The following CLIP2 variants were observed in gnomAD, a reference collection of about 807,000 sequenced individuals.
CLIP2 encodes CAP-Gly domain-containing linker protein 2.
CLIP2 carries 41 observed loss-of-function variants against 111.7 expected under a neutral mutation model. The ratio of observed to expected loss-of-function variants is 0.37; its 90% CI spans 0.29 to 0.48. The LOEUF is 0.48. CLIP2 is among the 20% of genes least tolerant of loss of function. CLIP2 has a pLI of 0.99. For missense variants in CLIP2, 1,160 were observed against 1,422.1 expected (o/e 0.82, Z 2.96); for synonymous variants, 660 against 644.2 (o/e 1.02, Z -0.37).
At chr7:74,311,228 G>A (rs1444122965) in intron 1 of CLIP2, among the ~76,000 whole-genome samples, 9 of 152,046 alleles carry the variant, frequency 5.9e-5, no homozygotes, top group African/African-American at 2.2e-4. Flanking sequence ...ATCTGCCCGC[G>A]TCAGCCTCCC....
At position 74,338,830 on chromosome 7, in the gene CLIP2, C is replaced by G; in HGVS notation, c.504C>G (p.Asn168Lys). ...CCGTGGAGTCGCTGACTGCCCAGAA[C>G]CTGTCATTGCATTCGGGCACGGCCA... ...AHSVESLTAQNLSLHSGTATP... is the reference protein window; with the variant it reads ...AHSVESLTAQKLSLHSGTATP... The change falls in exon 3 of 17, where the codon AAC (asparagine) becomes AAG (lysine). Residue 168 changes from asparagine (N) to lysine (K), a missense_variant. Coordinates refer to ENST00000223398, the MANE Select transcript of CLIP2 (RefSeq NM_003388.5). This position sits in a 1 kb window ranked among gnomAD's most constrained non-coding sequence, Gnocchi z 4.3. 6.2e-7 allele frequency: 1 copy of G among 1,611,166 alleles called. No homozygotes were observed. Among genetic ancestry groups the G allele is most frequent in the Middle Eastern group, 1.6e-4 (1 of 6,062 alleles).
At chr7:74,403,056 CAA>C (rs1257300525) in intron 16 of CLIP2, among the ~76,000 whole-genome samples, 1 of 136,264 alleles carries the variant, frequency 7.3e-6, no homozygotes, top group Non-Finnish European at 1.6e-5. Context: ...ACTAAAAATA[CAA>C]AAAAAAAAAA....
intron 1 of CLIP2, among the ~76,000 whole-genome samples, chr7:74,317,026 ACTGTACCCAGT>A (rs2116500472): frequency 6.6e-6 from 1 of 152,308 alleles, no homozygotes; most frequent in African/African-American, 2.4e-5. Context: ...ATGACAGGCC[ACTGTACCCAGT>A]CTAAAAGTGG....
chr7:74,358,819 C>T (rs1173543941), intron 6 of CLIP2, among the ~76,000 whole-genome samples: 1 of 152,064 alleles, frequency 6.6e-6, no homozygotes, highest in African/African-American at 2.4e-5. Flanking sequence ...GACCCTCCCA[C>T]CTTGGTCTCT....
chr7:74,336,021 C>T (rs557804998), intron 2 of CLIP2, among the ~76,000 whole-genome samples: 20 of 147,618 alleles, frequency 1.4e-4, no homozygotes, highest in African/African-American at 4.5e-4. Context: ...GGATTACAGG[C>T]GTAAGCCACT....
At chr7:74,353,819 C>T (rs1261754914) in intron 3 of CLIP2, 61 bp from the exon 4 acceptor site, 2 of 1,612,684 alleles carry the variant, frequency 1.2e-6, no homozygotes, top group Non-Finnish European at 8.5e-7. Context: ...GCTGGGTGCC[C>T]CTGCCATCTC....
chr7:74,378,567 C>T (rs1183111268), intron 10 of CLIP2, among the ~76,000 whole-genome samples: 1 of 152,042 alleles, frequency 6.6e-6, no homozygotes, highest in Non-Finnish European at 1.5e-5. Flanking sequence ...TAGTTAGACC[C>T]CATCTCTACA....
chr7:74,360,892 C>G (rs782742478), intron 7 of CLIP2, among the ~76,000 whole-genome samples: 7 of 152,098 alleles, frequency 4.6e-5, no homozygotes, highest in Non-Finnish European at 7.4e-5. Flanking sequence ...CCTGCACTCT[C>G]CAGCAGAATA....
At chr7:74,320,811 G>A (rs1032743819) in intron 2 of CLIP2, among the ~76,000 whole-genome samples, 4 of 151,960 alleles carry the variant, frequency 2.6e-5, no homozygotes, top group African/African-American at 9.7e-5. Context: ...GGAGGAGGAA[G>A]GATCTGCAGA....
chr7:74,316,041 G>A (rs1186537812), intron 1 of CLIP2, among the ~76,000 whole-genome samples: 8 of 43,860 alleles, frequency 1.8e-4, no homozygotes, highest in Admixed American at 5.3e-4. Context: ...CCCTCCCCCC[G>A]CCCCCACAAC....
intron 3 of CLIP2, among the ~76,000 whole-genome samples, chr7:74,343,811 G>A (rs1789729402): frequency 6.6e-6 from 1 of 152,076 alleles, no homozygotes; most frequent in South Asian, 2.1e-4. Context: ...ACTGAGGTGG[G>A]AGGATCACTT....
Position 74,376,876 on chromosome 7 carries a change from GC to G in CLIP2, c.2421+56del. 2 of 1,440,652 alleles carry G rather than the reference GC, an allele frequency of 1.4e-6. No homozygotes were observed. The highest frequency in any genetic ancestry group is 2.3e-4 in the Middle Eastern group (1 of 4,438). The allele number at this position is 1,440,652 out of a possible 1,614,324, so 89.2% of individuals were successfully genotyped here. A position where few individuals can be genotyped will look rare whatever the true frequency, so the allele number is the denominator to read the frequency against. ...GGAGGGTCGGGCTGGGGAGGGCTTGGCCTTTTGCTGACCTCTGTTCTGCAGC... is the reference window on the plus strand; with the variant it reads ...GGAGGGTCGGGCTGGGGAGGGCTTGGCTTTTGCTGACCTCTGTTCTGCAGC... On this transcript the variant is annotated intron_variant, in intron 10 of 16. Coordinates refer to ENST00000223398, the MANE Select transcript of CLIP2 (RefSeq NM_003388.5). This position sits in a 1 kb window ranked among gnomAD's most constrained non-coding sequence, Gnocchi z 7.1.
At position 74,376,369 on chromosome 7, in the gene CLIP2, C is replaced by G. The variant is rs1387444442; in HGVS notation, c.1968C>G (p.Ile656Met). 3 of 1,613,884 alleles carry G rather than the reference C, an allele frequency of 1.9e-6. No individual in the cohort carries two copies. Among genetic ancestry groups the G allele is most frequent in the Non-Finnish European group, 1.7e-6 (2 of 1,180,022 alleles). ...IGELKAVMEG[I>M]KMEHQLELGN... is the part of the protein sequence containing the mutation. Reference sequence around the variant, plus strand: ...AGCTGAAGGCAGTGATGGAGGGCATCAAGATGGAGCACCAGCTGGAGCTGG... The same window carrying G: ...AGCTGAAGGCAGTGATGGAGGGCATGAAGATGGAGCACCAGCTGGAGCTGG... Residue 656 changes from isoleucine (I) to methionine (M), a missense_variant, in exon 10 of 17, where the codon ATC becomes ATG. This residue lies in a region of CLIP2 where 676 missense variants were observed against 777.8 expected (regional missense o/e 0.87). Coordinates refer to ENST00000223398, the MANE Select transcript of CLIP2 (RefSeq NM_003388.5). This position sits in a 1 kb window ranked among gnomAD's most constrained non-coding sequence, Gnocchi z 7.1.
intron 10 of CLIP2, chr7:74,380,579 G>C (rs1372810474): frequency 2.3e-6 from 1 of 431,326 alleles, no homozygotes; most frequent in Admixed American, 3.8e-5. Flanking sequence ...AAGCTGCACA[G>C]GCGGCCTTCA....
chr7:74,371,685 G>C (rs1248252854), intron 8 of CLIP2, among the ~76,000 whole-genome samples: 2 of 130,080 alleles, frequency 1.5e-5, no homozygotes, highest in South Asian at 2.8e-4. Flanking sequence ...GGAGAGAGAC[G>C]GGGGGGAGAA....
At chr7:74,328,123 A>T (rs1287125804) in intron 2 of CLIP2, among the ~76,000 whole-genome samples, 1 of 149,972 alleles carries the variant, frequency 6.7e-6, no homozygotes, top group Non-Finnish European at 1.5e-5. Context: ...TTTCAGACGG[A>T]CCCCTCCCTG....
At chr7:74,397,411 C>T (rs1050120856) in intron 14 of CLIP2, among the ~76,000 whole-genome samples, 178 bp downstream of exon 14, 6 of 152,032 alleles carry the variant, frequency 3.9e-5, no homozygotes, top group Admixed American at 6.6e-5. Context: ...CCTGGCTAGC[C>T]GCTTTTGCAG....
intron 6 of CLIP2, among the ~76,000 whole-genome samples, chr7:74,358,985 G>A (rs1276548287): frequency 6.6e-6 from 1 of 151,974 alleles, no homozygotes; most frequent in Non-Finnish European, 1.5e-5. Flanking sequence ...CTTTTTTTGA[G>A]ACAGAGTCTC....
chr7:74,338,491 G>T lies in CLIP2; in HGVS notation c.165G>T (p.Pro55=), dbSNP rs531955147. ...AGTCATCTGGACCCTCCTCCTCCCC[G>T]GCCGCAGCTGCTGCCCCCGAGAAGC... ...HKQSSGPSSS[P]AAAAAPEKPG... is the part of the protein sequence containing the mutation. Residue 55 remains proline, a synonymous_variant, in exon 3 of 17, where the codon CCG becomes CCT. Coordinates refer to ENST00000223398, the MANE Select transcript of CLIP2 (RefSeq NM_003388.5). This position sits in a 1 kb window ranked among gnomAD's most constrained non-coding sequence, Gnocchi z 4.3. The T allele has an allele frequency of 6.2e-7, 1 of 1,612,072 alleles. No homozygotes were observed. Among genetic ancestry groups the T allele is most frequent in the Non-Finnish European group, 8.5e-7 (1 of 1,179,590 alleles).
Sources: allele counts gnomAD v4.1 joint callset (sites outside exome capture counted in the v4.1 genomes callset), GRCh38; gene constraint gnomAD v4.1.1; regional missense constraint gnomAD v4.1.1; non-coding constraint Gnocchi (gnomAD v3.1); transcripts MANE v1.5; gene names NCBI Gene and HGNC (gene_info 2026-07-23, HGNC 2026-07-21).